The following BTD variants were observed in gnomAD, a reference collection of about 807,000 sequenced individuals.
BTD encodes biocytinase.
BTD carries 13 observed loss-of-function variants against 17.7 expected under a neutral mutation model. The ratio of observed to expected loss-of-function variants is 0.74; its 90% confidence interval spans 0.48 to 1.17. The LOEUF (loss-of-function observed/expected upper bound fraction) is 1.17, where lower values mean the gene tolerates loss of function less well. BTD is among the 50% of genes most tolerant of loss of function. The pLI is 0.00. For synonymous variants in BTD, 240 were observed against 245.2 expected (o/e 0.98, Z 0.20); for missense variants, 674 against 650.4 (o/e 1.04, Z -0.39).
chr3:15,602,192 G>A, intron 1 of BTD: 1 of 1,387,888 alleles, frequency 7.2e-7, no homozygotes, highest in South Asian at 1.7e-5. Context: ...GTGTACCCCA[G>A]CAAGAGATAA....
At chr3:15,636,341 A>C (rs910812131) in intron 2 of BTD, among the ~76,000 whole-genome samples, 44 of 152,062 alleles carry the variant, frequency 2.9e-4, no homozygotes, top group African/African-American at 1.1e-3. Flanking sequence ...CTGACCCCAA[A>C]CTGACAAAGG....
chr3:15,604,382 G>A (rs1251307685), intron 1 of BTD, among the ~76,000 whole-genome samples: 4 of 152,242 alleles, frequency 2.6e-5, no homozygotes, highest in Non-Finnish European at 4.4e-5. Flanking sequence ...TGGCTGGCAT[G>A]GCTGGGATGC....
At chr3:15,689,521 A>G (rs1190512548) in intron 3 of BTD, among the ~76,000 whole-genome samples, 1 of 152,214 alleles carries the variant, frequency 6.6e-6, no homozygotes, top group East Asian at 1.9e-4. Context: ...GAAGGGAGCT[A>G]CTTGGGGGCA....
chr3:15,601,503 A>G, upstream of BTD: 1 of 1,610,128 alleles, frequency 6.2e-7, no homozygotes, highest in Non-Finnish European at 8.5e-7. Flanking sequence ...CAGCCGGCAA[A>G]CAAGCGGAAT....
chr3:15,712,339 C>T (rs1575322649), exon 4 of BTD: 1 of 787,788 alleles, frequency 1.3e-6, no homozygotes, highest in East Asian at 2.7e-5. Flanking sequence ...AAATGTCTAA[C>T]ACTTCGGAGA....
chr3:15,672,738 C>G (rs546967856), intron 3 of BTD, among the ~76,000 whole-genome samples: 24 of 152,226 alleles, frequency 1.6e-4, no homozygotes, highest in African/African-American at 4.1e-4. Context: ...GGTGTGTTTT[C>G]TAGTCAGAAT....
At position 15,613,359 on chromosome 3, in the gene BTD, C is replaced by G. The variant is rs543800805; in HGVS notation, c.-17+11465C>G. On this transcript the variant is annotated intron_variant, in intron 1 of 3. Coordinates refer to ENST00000643237, the MANE Select transcript of BTD (RefSeq NM_001370658.1). ...TCCATTCATGTTGCTTATTTATTTA[C>G]AGCATCATCTGATTTCTTTTGCTGC... is the stretch of plus-strand genomic sequence containing the variant. Among the ~76,000 whole-genome samples, 303 of 152,316 alleles carry G rather than the reference C, an allele frequency of 2.0e-3. 1 individual carries two copies. Among genetic ancestry groups the G allele is most frequent in the Middle Eastern group, 3.4e-3 (1 of 294 alleles).
At position 15,644,345 on chromosome 3, in the gene BTD, C is replaced by T. The variant is rs2065628963; in HGVS notation, c.429C>T (p.Ile143=). 1.2e-6 allele frequency: 2 copies of T among 1,613,838 alleles called. No homozygotes were observed. Among genetic ancestry groups the T allele is most frequent in the South Asian group, 1.1e-5 (1 of 91,048 alleles). ...EVLQRLSCMA[I]RGDMFLVANL... is the part of the protein sequence containing the mutation. Reference sequence around the variant, plus strand: ...TCCAGCGCCTGAGTTGTATGGCCATCAGGGGAGATATGTTCTTGGTGGCCA... The same window carrying T: ...TCCAGCGCCTGAGTTGTATGGCCATTAGGGGAGATATGTTCTTGGTGGCCA... Residue 143 remains isoleucine, a synonymous_variant, in exon 4 of 4, where the codon ATC becomes ATT. Coordinates refer to ENST00000643237, the MANE Select transcript of BTD (RefSeq NM_001370658.1).
At chr3:15,705,198 C>T (rs1049223754) in intron 3 of BTD, among the ~76,000 whole-genome samples, 5 of 152,072 alleles carry the variant, frequency 3.3e-5, no homozygotes, top group African/African-American at 4.8e-5. Flanking sequence ...TGCTCAAAAC[C>T]GTTTATATTC....
chr3:15,674,259 G>C (rs1312795253), intron 3 of BTD, among the ~76,000 whole-genome samples: 1 of 150,244 alleles, frequency 6.7e-6, no homozygotes, highest in Non-Finnish European at 1.5e-5. Context: ...ATCCAGGTCA[G>C]TCTGGTAGCA....
At chr3:15,681,415 A>G (rs2067534113) in intron 3 of BTD, among the ~76,000 whole-genome samples, 2 of 152,166 alleles carry the variant, frequency 1.3e-5, no homozygotes, top group South Asian at 4.1e-4. Context: ...AAAACAGAAA[A>G]ATCCAAATTT....
rs1307265403 is a variant in BTD at position 15,645,080 on chromosome 3, C to G, written c.1164C>G (p.Val388=). The G allele has an allele frequency of 6.2e-7, 1 of 1,614,110 alleles. No homozygotes were observed. The highest frequency in any genetic ancestry group is 1.7e-5 in the Admixed American group (1 of 60,018). Residue 388 remains valine, a synonymous_variant, in exon 4 of 4, where the codon GTC becomes GTG. Coordinates refer to ENST00000643237, the MANE Select transcript of BTD (RefSeq NM_001370658.1). ...ATGACAATTTCACCCTGGTCCCTGT[C>G]TGGGGAAAGGAAGGCTATCTCCACG... ...MMYDNFTLVP[V]WGKEGYLHVC...
rs1288094876 is a variant in BTD at position 15,647,138 on chromosome 3, C to T, written c.*1650C>T. The T allele has an allele frequency of 6.6e-6, 1 of 152,254 alleles. No homozygotes were observed. The highest frequency in any genetic ancestry group is 1.5e-5 in the Non-Finnish European group (1 of 68,086). 9.4% of individuals were successfully genotyped at this position (152,254 alleles called of 1,614,324 possible). On this transcript the variant is annotated 3_prime_UTR_variant, in exon 4 of 4. Transcript: ENST00000643237. ...GGGTTCCCCACGCCCTAGGAAGTCC[C>T]TCTGGAAGGGGAGCAGGACCTCTCC...
chr3:15,642,137 A>T, intron 3 of BTD, 80 bp downstream of exon 3: 1 of 1,582,406 alleles, frequency 6.3e-7, no homozygotes, highest in Non-Finnish European at 8.6e-7. Flanking sequence ...GTGACATGTT[A>T]ACTAAGATTG....
At chr3:15,704,060 G>C (rs2071001785) in intron 3 of BTD, among the ~76,000 whole-genome samples, 1 of 152,100 alleles carries the variant, frequency 6.6e-6, no homozygotes, top group South Asian at 2.1e-4. Flanking sequence ...GTGTGGAGAA[G>C]ACCCACATGA....
At chr3:15,676,219 C>G (rs2066919193) in intron 3 of BTD, 1 of 393,568 alleles carries the variant, frequency 2.5e-6, no homozygotes, top group South Asian at 1.1e-4. Flanking sequence ...CCATAGGTCC[C>G]ATCGACAGGT....
intron 1 of BTD, among the ~76,000 whole-genome samples, chr3:15,623,158 C>T (rs1348376770): frequency 6.6e-6 from 1 of 152,210 alleles, no homozygotes; most frequent in African/African-American, 2.4e-5. Flanking sequence ...ATTCAATTAT[C>T]TCCACCTGGC....
intron 3 of BTD, among the ~76,000 whole-genome samples, chr3:15,664,051 G>A (rs1237259525): frequency 2.6e-5 from 4 of 152,112 alleles, no homozygotes; most frequent in Non-Finnish European, 4.4e-5. Context: ...ACAGGTGCCT[G>A]CCACCATGCC....
intron 1 of BTD, among the ~76,000 whole-genome samples, chr3:15,605,539 T>C (rs944245015): frequency 1.3e-5 from 2 of 152,110 alleles, no homozygotes; most frequent in Admixed American, 6.5e-5. Context: ...AAAAAGAAAA[T>C]GCAGATTTTG....
Sources: allele counts gnomAD v4.1 joint callset (sites outside exome capture counted in the v4.1 genomes callset), GRCh38; gene constraint gnomAD v4.1.1; transcripts MANE v1.5; gene names NCBI Gene and HGNC (gene_info 2026-07-23, HGNC 2026-07-21).